Variants in SUGCT observed in about 807,000 individuals in gnomAD.
SUGCT encodes the protein succinyl-CoA:glutarate-CoA transferase, also known as succinyl-CoA:glutarate CoA-transferase.
In SUGCT, 41 loss-of-function variants were observed where a neutral mutation model predicts 55.0. The ratio of observed to expected loss-of-function variants is 0.74; its 90% CI spans 0.58 to 0.97. The LOEUF (loss-of-function observed/expected upper bound fraction) is 0.97, where lower values mean the gene tolerates loss of function less well. Ranked by LOEUF, SUGCT falls within the 50% of genes least tolerant of loss-of-function variation. The pLI is 0.00. For missense variants in SUGCT, 568 were observed against 547.8 expected (o/e 1.04, Z -0.37); for synonymous variants, 187 against 200.4 (o/e 0.93, Z 0.56).
At chr7:40,382,813 A>G (rs1784933789) in intron 9 of SUGCT, among the ~76,000 whole-genome samples, 3 of 152,168 alleles carry the variant, frequency 2.0e-5, no homozygotes, top group Admixed American at 6.5e-5. Flanking sequence ...AGCTCTTTGA[A>G]GTTGTGAGAT....
intron 1 of SUGCT, among the ~76,000 whole-genome samples, chr7:40,179,149 A>T (rs1785061858): frequency 6.6e-6 from 1 of 152,186 alleles, no homozygotes. Flanking sequence ...ATAAAAAAGG[A>T]TCATTCTCAC....
intron 9 of SUGCT, among the ~76,000 whole-genome samples, chr7:40,424,601 C>T (rs1787485042): frequency 1.3e-5 from 2 of 152,104 alleles, no homozygotes; most frequent in Admixed American, 6.6e-5. Context: ...TATAATAATT[C>T]GTAGCCGATG....
At chr7:40,886,226 C>A in the SUGCT span, among the ~76,000 whole-genome samples, 1 of 151,906 alleles carries the variant, frequency 6.6e-6, no homozygotes, top group Non-Finnish European at 1.5e-5. Context: ...CTTCATTTTC[C>A]TCATGGGTAT....
At chr7:40,218,891 A>T (rs957732534) in intron 6 of SUGCT, among the ~76,000 whole-genome samples, 1 of 152,214 alleles carries the variant, frequency 6.6e-6, no homozygotes, top group Non-Finnish European at 1.5e-5. Flanking sequence ...GGTGGGGCCA[A>T]ATAAGGGAAT....
chr7:40,823,718 T>C lies in SUGCT; in HGVS notation c.1154-36598T>C, dbSNP rs1481111606. 4.6e-5 allele frequency among the ~76,000 whole-genome samples: 7 copies of C among 151,928 alleles called. No homozygotes were observed. The East Asian group carries it at 1.4e-3, about 29-fold the overall frequency. ...CTTCTCCTTTTTTGAGAAGGAAAAA[T>C]GAAAAAAAGTATTTGAAAAGAAATT... On this transcript the variant is annotated intron_variant, in intron 13 of 13. Coordinates refer to ENST00000335693, the MANE Select transcript of SUGCT (RefSeq NM_001193313.2).
intron 1 of SUGCT, among the ~76,000 whole-genome samples, chr7:40,137,389 C>G (rs916290256): frequency 6.6e-6 from 1 of 152,138 alleles, no homozygotes; most frequent in Non-Finnish European, 1.5e-5. Flanking sequence ...CTTGGCCTCC[C>G]AAAACTCTGC....
chr7:40,286,330 C>T (rs1793336204), intron 8 of SUGCT, among the ~76,000 whole-genome samples: 1 of 152,096 alleles, frequency 6.6e-6, no homozygotes, highest in Non-Finnish European at 1.5e-5. Context: ...TGAGAAGGAG[C>T]CCGCCACAGG....
chr7:40,225,624 C>T lies in SUGCT; in HGVS notation c.485-12011C>T, dbSNP rs545293664. ...CTAGTTTTTGTATTTTTAGTAGACA[C>T]GGGGTTTCACCATGTTGGCCAGGCT... On this transcript the variant is annotated intron_variant, in intron 6 of 13. Transcript: ENST00000335693. Among the ~76,000 whole-genome samples, 14 of 151,840 alleles carry T rather than the reference C, an allele frequency of 9.2e-5. No individual in the cohort carries two copies. In the East Asian group the frequency reaches 1.2e-3, roughly 13 times the overall value.
the SUGCT span, among the ~76,000 whole-genome samples, chr7:40,867,135 A>G: frequency 1.1e-5 from 1 of 89,740 alleles, no homozygotes; most frequent in Non-Finnish European, 3.4e-5. Flanking sequence ...TATATATATA[A>G]TAAGATTAAT....
intron 7 of SUGCT, among the ~76,000 whole-genome samples, chr7:40,249,313 CTATATATATATATATATATATATA>C (rs57348487): frequency 2.5e-5 from 2 of 79,518 alleles, no homozygotes; most frequent in African/African-American, 1.1e-4. Flanking sequence ...CACCAAAAAG[CTATATATATATATATATATATATA>C]TATATATATA....
chr7:40,194,792 A>G (rs1314218057), intron 5 of SUGCT, 148 bp from the exon 6 acceptor site: 2 of 920,370 alleles, frequency 2.2e-6, no homozygotes, highest in Non-Finnish European at 3.1e-6. Context: ...GTAGTTGACT[A>G]GAACTTCTAT....
At chr7:40,648,899 T>C (rs1382867285) in intron 12 of SUGCT, among the ~76,000 whole-genome samples, 1 of 152,226 alleles carries the variant, frequency 6.6e-6, no homozygotes, top group Non-Finnish European at 1.5e-5. Flanking sequence ...GATACATTTT[T>C]GTGTTTTAAG....
At chr7:40,269,414 C>T (rs1367891584) in intron 7 of SUGCT, among the ~76,000 whole-genome samples, 1 of 152,086 alleles carries the variant, frequency 6.6e-6, no homozygotes, top group African/African-American at 2.4e-5. Context: ...CATCCACCTC[C>T]TGGGTTCAAG....
rs941466014 is a variant in SUGCT, at chr7:40,526,937, A to G, written c.1089+30551A>G. 1.3e-5 allele frequency among the ~76,000 whole-genome samples: 2 copies of G among 152,260 alleles called. 1 individual carries two copies. The highest frequency in any genetic ancestry group is 4.1e-4 in the South Asian group (2 of 4,826). ...TGATGATGTTCGGGTCTATCTTGCT[A>G]TTTGATATATGGTGGAATTTTTCAC... is the stretch of plus-strand genomic sequence containing the variant. On this transcript the variant is annotated intron_variant, in intron 12 of 13. Transcript: ENST00000335693.
At chr7:40,324,230 T>TAA (rs1238128794) in intron 9 of SUGCT, among the ~76,000 whole-genome samples, 8 of 111,988 alleles carry the variant, frequency 7.1e-5, no homozygotes, top group East Asian at 5.4e-4. Context: ...GATGATCATA[T>TAA]ATATAAATAA....
intron 13 of SUGCT, among the ~76,000 whole-genome samples, chr7:40,759,047 G>C (rs960475131): frequency 1.3e-5 from 2 of 152,104 alleles, no homozygotes; most frequent in African/African-American, 4.8e-5. Flanking sequence ...CGTGGATGTG[G>C]TCAAATAAAA....
chr7:40,990,377 A>G, the SUGCT span, among the ~76,000 whole-genome samples: 2 of 152,252 alleles, frequency 1.3e-5, no homozygotes, highest in Non-Finnish European at 2.9e-5. Context: ...ATCAGTTTCA[A>G]CAGCGGTCTT....
chr7:40,301,400 G>A (rs973171236), intron 8 of SUGCT, among the ~76,000 whole-genome samples: 3 of 152,060 alleles, frequency 2.0e-5, no homozygotes, highest in East Asian at 3.8e-4. Flanking sequence ...AATTAATATA[G>A]CAATCCTTGG....
chr7:40,608,938 A>G (rs777345299), intron 12 of SUGCT, among the ~76,000 whole-genome samples: 12 of 152,190 alleles, frequency 7.9e-5, no homozygotes, highest in Non-Finnish European at 1.5e-4. Context: ...TGTCTCTAGC[A>G]TACACTACAA....
Sources: gnomAD v4.1 joint callset for allele counts (sites outside exome capture counted in the v4.1 genomes callset) on GRCh38, gnomAD v4.1.1 for gene constraint, MANE v1.5 for transcripts, NCBI Gene and HGNC (gene_info 2026-07-23, HGNC 2026-07-21) for gene names.